Variants in IGF1R observed in about 807,000 individuals in gnomAD.
The protein encoded by IGF1R is insulin like growth factor 1 receptor.
A neutral mutation model predicts 144.6 loss-of-function variants in IGF1R; 44 were observed. The ratio of observed to expected loss-of-function variants is 0.30; its 90% CI spans 0.24 to 0.39. The LOEUF (loss-of-function observed/expected upper bound fraction) is 0.39. Among genes scored for constraint, IGF1R ranks in the 10% least tolerant of loss-of-function variants. IGF1R has a pLI of 1.00. For missense variants in IGF1R, 1,355 were observed against 1,833.7 expected, an observed-to-expected ratio of 0.74 and a Z score of 4.77; for synonymous variants, 795 against 722.8, an observed-to-expected ratio of 1.10 and a Z score of -1.60.
intron 2 of IGF1R, among the ~76,000 whole-genome samples, chr15:98,768,563 C>T (rs550193609): frequency 6.8e-6 from 1 of 146,170 alleles, no homozygotes; most frequent in African/African-American, 2.5e-5. Context: ...TGCAGGGAGC[C>T]GAGATCGCAC....
At chr15:98,951,860 G>A (rs996028643) in intron 20 of IGF1R, among the ~76,000 whole-genome samples, 1 of 152,176 alleles carries the variant, frequency 6.6e-6, no homozygotes, top group Non-Finnish European at 1.5e-5. Flanking sequence ...TGTGACTACT[G>A]GACTCTGCCA....
chr15:98,861,514 C>G (rs2012155856), intron 2 of IGF1R, among the ~76,000 whole-genome samples: 1 of 152,186 alleles, frequency 6.6e-6, no homozygotes, highest in African/African-American at 2.4e-5. Context: ...CATTAGCTTT[C>G]CACCCTCTAC....
At chr15:98,933,975 G>C (rs1047331117) in intron 15 of IGF1R, among the ~76,000 whole-genome samples, 1 of 152,086 alleles carries the variant, frequency 6.6e-6, no homozygotes, top group Non-Finnish European at 1.5e-5. Flanking sequence ...TCTAGTAGCC[G>C]TATTTTTTAA....
chr15:98,909,447 C>A (rs993147290), intron 6 of IGF1R, among the ~76,000 whole-genome samples: 16 of 151,834 alleles, frequency 1.1e-4, no homozygotes, highest in African/African-American at 3.6e-4. Context: ...TTAGTAGAGA[C>A]GGGATTTCAT....
chr15:98,724,843 G>A (rs1325686729), intron 2 of IGF1R, among the ~76,000 whole-genome samples: 1 of 152,172 alleles, frequency 6.6e-6, no homozygotes, highest in Non-Finnish European at 1.5e-5. Context: ...TTGGTTAGTC[G>A]ATGATGCGCT....
chr15:98,920,219 A>T (rs1434051875), intron 10 of IGF1R, among the ~76,000 whole-genome samples: 3 of 152,170 alleles, frequency 2.0e-5, no homozygotes, highest in African/African-American at 7.2e-5. Flanking sequence ...TTGGAAATGT[A>T]GTTGTTTACC....
At chr15:98,911,015 C>T (rs45516793) in intron 6 of IGF1R, among the ~76,000 whole-genome samples, 175 of 152,340 alleles carry the variant, frequency 1.1e-3, no homozygotes, top group African/African-American at 3.9e-3. Flanking sequence ...AAGATAAGTT[C>T]ACCTCGTTCA....
chr15:98,653,660 G>C (rs926516832), intron 1 of IGF1R, among the ~76,000 whole-genome samples: 2 of 152,194 alleles, frequency 1.3e-5, no homozygotes, highest in African/African-American at 2.4e-5. Context: ...GAAACTGTGT[G>C]CATTTATCCA....
In IGF1R at chr15:98,768,045, T is replaced by C. The variant is rs572518370; in HGVS notation, c.640+59938T>C. On this transcript the variant is annotated intron_variant, in intron 2 of 20. Coordinates refer to ENST00000650285, the MANE Select transcript of IGF1R (RefSeq NM_000875.5). ...GAAGCATAGGTGAAATTCAGATCCA[T>C]AGGAAGACAGACAGACTTTGCAAGT... is the stretch of plus-strand genomic sequence containing the variant. Among the ~76,000 whole-genome samples the C allele has an allele frequency of 9.2e-5, 14 of 152,184 alleles. 1 individual carries two copies. In the South Asian group the frequency reaches 2.9e-3, roughly 32 times the overall value.
At chr15:98,798,459 T>A (rs1248934485) in intron 2 of IGF1R, among the ~76,000 whole-genome samples, 1 of 151,878 alleles carries the variant, frequency 6.6e-6, no homozygotes, top group African/African-American at 2.4e-5. Context: ...GTGTGTACGT[T>A]AACAGGACCA....
chr15:98,926,890 A>C lies in IGF1R; in HGVS notation c.2782+2206A>C, dbSNP rs79250809. 2.6e-5 allele frequency among the ~76,000 whole-genome samples: 4 copies of C among 152,318 alleles called. No individual in the cohort carries two copies. In the East Asian group the frequency reaches 7.7e-4, roughly 29 times the overall value. On this transcript the variant is annotated intron_variant, in intron 13 of 20. Transcript: ENST00000650285. ...CACCTTTGCAGCACCCAGAAGCTTC[A>C]TAATATTCCTGCAGCCTTGTCCAGG...
In IGF1R at chr15:98,957,393, G is replaced by A. The variant is rs759808066; in HGVS notation, c.4055G>A (p.Gly1352Asp). 3.1e-6 allele frequency: 5 copies of A among 1,613,310 alleles called. No individual in the cohort carries two copies. The highest frequency in any genetic ancestry group is 1.3e-5 in the African/African-American group (1 of 75,074). ...CAGCCTTACGCCCACATGAACGGGG[G>A]CCGCAAGAACGAGCGGGCCTTGCCG... The part of the protein sequence containing the change: ...ERQPYAHMNG[G>D]RKNERALPLP... Residue 1352 changes from glycine (G) to aspartate (D), a missense_variant, in exon 21 of 21, where the codon GGC becomes GAC. Physicochemically the swap from Gly to Asp is moderately conservative, Grantham distance 94. Transcript: ENST00000650285.
chr15:98,765,553 G>C (rs1292233295), intron 2 of IGF1R, among the ~76,000 whole-genome samples: 1 of 151,638 alleles, frequency 6.6e-6, no homozygotes, highest in African/African-American at 2.4e-5. Flanking sequence ...CGAACTCCTG[G>C]CATCAAGTGA....
rs1326120618 is a variant in IGF1R, at chr15:98,648,715, C to G, written c.-867C>G. Among the ~76,000 whole-genome samples the G allele has an allele frequency of 6.8e-6, 1 of 147,360 alleles. No individual in the cohort carries two copies. The highest frequency in any genetic ancestry group is 2.0e-4 in the East Asian group (1 of 5,064). On this transcript the variant is annotated 5_prime_UTR_variant, in exon 1 of 21. Coordinates refer to ENST00000650285, the MANE Select transcript of IGF1R (RefSeq NM_000875.5). ...CGCCAGCGAGCCTGCCCACGGCCGG[C>G]GCTCGCAGACCCTCGGCCCCGCTCC...
intron 2 of IGF1R, among the ~76,000 whole-genome samples, chr15:98,793,737 A>C (rs2056177651): frequency 6.6e-6 from 1 of 152,212 alleles, no homozygotes; most frequent in African/African-American, 2.4e-5. Context: ...CACTGTTTTG[A>C]CATGAATCTA....
At chr15:98,718,659 C>T (rs1395550759) in intron 2 of IGF1R, among the ~76,000 whole-genome samples, 3 of 152,280 alleles carry the variant, frequency 2.0e-5, no homozygotes, top group East Asian at 1.9e-4. Flanking sequence ...TCTGGATTTC[C>T]GGATAGATGC....
intron 2 of IGF1R, among the ~76,000 whole-genome samples, chr15:98,788,352 A>T (rs2056054820): frequency 6.6e-6 from 1 of 152,046 alleles, no homozygotes; most frequent in Non-Finnish European, 1.5e-5. Context: ...TTGGGTAAAG[A>T]GTGGGAGACA....
intron 2 of IGF1R, among the ~76,000 whole-genome samples, chr15:98,806,525 A>ACT (rs199955333): frequency 0.026 from 3,982 of 151,620 alleles, 81 homozygotes; most frequent in Middle Eastern, 0.086. Flanking sequence ...ATAGTAGGAG[A>ACT]CTCTCTCTCT....
intron 2 of IGF1R, among the ~76,000 whole-genome samples, chr15:98,818,796 T>C (rs377186316): frequency 7.0e-6 from 1 of 142,502 alleles, no homozygotes; most frequent in African/African-American, 2.6e-5. Flanking sequence ...TTGACAGATG[T>C]TAACCTGGGA....
Sources: gnomAD v4.1 joint callset for allele counts (sites outside exome capture counted in the v4.1 genomes callset) on GRCh38, gnomAD v4.1.1 for gene constraint, MANE v1.5 for transcripts, NCBI Gene and HGNC (gene_info 2026-07-23, HGNC 2026-07-21) for gene names.